CACHD1: variants seen among roughly 807,000 people sequenced by gnomAD.
CACHD1 encodes the protein VWFA and cache domain-containing protein 1.
In CACHD1, 71 loss-of-function variants were observed where a neutral mutation model predicts 138.7. The observed-to-expected ratio is 0.51, with a 90% CI of 0.42 to 0.62. The LOEUF (loss-of-function observed/expected upper bound fraction) is 0.62, where lower values mean the gene tolerates loss of function less well. Ranked by LOEUF, CACHD1 falls within the 20% of genes least tolerant of loss-of-function variation. CACHD1 has a pLI of 0.00. For synonymous variants in CACHD1, 578 were observed against 591.5 expected (o/e 0.98, Z 0.33); for missense variants, 1,389 against 1,625.3 (o/e 0.85, Z 2.50).
In CACHD1 at chr1:64,470,749, C is replaced by A. The variant is rs1216393487; in HGVS notation, c.5C>A (p.Ala2Asp). 3 of 693,382 alleles carry A rather than the reference C, an allele frequency of 4.3e-6. No homozygotes were observed. The highest frequency in any genetic ancestry group is 4.5e-6 in the Non-Finnish European group (2 of 440,374). 43.0% of individuals were successfully genotyped at this position (693,382 alleles called of 1,614,324 possible). A position where few individuals can be genotyped will look rare whatever the true frequency, so the allele number is the denominator to read the frequency against. The change falls in exon 1 of 27, where the codon GCC becomes GAC. Residue 2 changes from alanine to aspartate, a missense_variant. Physicochemically the swap from Ala to Asp is moderately radical, Grantham distance 126 (BLOSUM62 -2). Coordinates refer to ENST00000651257, the MANE Select transcript of CACHD1 (RefSeq NM_020925.4). This position sits in a 1 kb window ranked among gnomAD's most constrained non-coding sequence, Gnocchi z 5.2. Reference protein sequence around the residue: MARQPEEEETAV... With the variant: MDRQPEEEETAV... ...CGGGGAGTGGGGGGAGGCAGCATGG[C>A]CCGCCAGCCGGAGGAAGAGGAGACG...
At chr1:64,597,524 G>GTTTTTTTT (rs34162933) in intron 3 of CACHD1, among the ~76,000 whole-genome samples, 3 of 80,396 alleles carry the variant, frequency 3.7e-5, no homozygotes, top group Admixed American at 1.4e-4. Context: ...TTTTTTTGTT[G>GTTTTTTTT]TTTTTTTTTT....
At chr1:64,507,668 A>G (rs1646388083) in intron 1 of CACHD1, among the ~76,000 whole-genome samples, 1 of 152,248 alleles carries the variant, frequency 6.6e-6, no homozygotes, top group African/African-American at 2.4e-5. Flanking sequence ...CGAGCCAGGA[A>G]GAAGTAAGAA....
At chr1:64,601,443 C>T (rs11208477) in intron 3 of CACHD1, among the ~76,000 whole-genome samples, 2,129 of 152,298 alleles carry the variant, frequency 0.014, 51 homozygotes, top group African/African-American at 0.049. Flanking sequence ...AGGGCAGCCA[C>T]GTTGGTGAAG....
At chr1:64,657,279 C>CT (rs1395953220) in intron 12 of CACHD1, among the ~76,000 whole-genome samples, 1 of 152,152 alleles carries the variant, frequency 6.6e-6, no homozygotes, top group African/African-American at 2.4e-5. Flanking sequence ...AATGTAGAGA[C>CT]TATTTTTTTC....
intron 4 of CACHD1, among the ~76,000 whole-genome samples, chr1:64,620,037 C>T (rs1042084064): frequency 6.6e-6 from 1 of 152,128 alleles, no homozygotes; most frequent in Non-Finnish European, 1.5e-5. Context: ...TAAATCTCAT[C>T]TCCCTCTTTA....
intron 16 of CACHD1, 140 bp from the exon 17 acceptor site, chr1:64,671,424 A>T (rs1649812801): frequency 1.2e-6 from 1 of 859,910 alleles, no homozygotes; most frequent in African/African-American, 1.7e-5. Flanking sequence ...CACTTAGTTG[A>T]TCATTTTTGT....
At chr1:64,605,420 CTTAAA>C (rs1338411922) in intron 4 of CACHD1, among the ~76,000 whole-genome samples, 3 of 151,974 alleles carry the variant, frequency 2.0e-5, no homozygotes, top group East Asian at 1.9e-4. Flanking sequence ...TTTTCTTAAT[CTTAAA>C]TTAAGCATTT....
chr1:64,548,462 TG>T (rs1367196986), intron 1 of CACHD1, among the ~76,000 whole-genome samples: 1 of 152,214 alleles, frequency 6.6e-6, no homozygotes, highest in African/African-American at 2.4e-5. Flanking sequence ...GAATATATTC[TG>T]GGGGGCATGG....
intron 1 of CACHD1, among the ~76,000 whole-genome samples, chr1:64,544,595 T>C (rs145676430): frequency 6.6e-6 from 1 of 150,868 alleles, no homozygotes; most frequent in Non-Finnish European, 1.5e-5. Context: ...CATGCACACG[T>C]GCGCACAAAC....
At chr1:64,475,942 A>G (rs1282973242) in intron 1 of CACHD1, among the ~76,000 whole-genome samples, 1 of 152,218 alleles carries the variant, frequency 6.6e-6, no homozygotes, top group Non-Finnish European at 1.5e-5. Context: ...ACATAGAGGC[A>G]TTACACTGCA....
chr1:64,493,713 G>C (rs1646291271), intron 1 of CACHD1, among the ~76,000 whole-genome samples: 1 of 152,174 alleles, frequency 6.6e-6, no homozygotes, highest in South Asian at 2.1e-4. Flanking sequence ...ACCAAGAAGA[G>C]TGGAGGCCCC....
intron 13 of CACHD1, among the ~76,000 whole-genome samples, chr1:64,659,480 G>A (rs1299223604): frequency 1.3e-5 from 2 of 152,064 alleles, no homozygotes; most frequent in Non-Finnish European, 2.9e-5. Flanking sequence ...TCTTCAAAAG[G>A]GCTTAGGAAT....
intron 1 of CACHD1, among the ~76,000 whole-genome samples, chr1:64,489,125 TG>T (rs1646259678): frequency 6.6e-6 from 1 of 152,204 alleles, no homozygotes; most frequent in Admixed American, 6.5e-5. Context: ...TGTCCCAAGC[TG>T]TATTTCTTAT....
At chr1:64,485,302 T>C (rs1256332700) in intron 1 of CACHD1, among the ~76,000 whole-genome samples, 1 of 152,188 alleles carries the variant, frequency 6.6e-6, no homozygotes, top group Non-Finnish European at 1.5e-5. Flanking sequence ...ATGCTGCTCC[T>C]TTATAGTCAG....
At chr1:64,472,860 GC>G (rs1056061562) in intron 1 of CACHD1, among the ~76,000 whole-genome samples, 35 of 142,078 alleles carry the variant, frequency 2.5e-4, no homozygotes, top group Non-Finnish European at 5.4e-4. Context: ...CCCCTATCCC[GC>G]CCCCCCACGC....
At chr1:64,521,345 G>A (rs2100375578) in intron 1 of CACHD1, among the ~76,000 whole-genome samples, 1 of 152,244 alleles carries the variant, frequency 6.6e-6, no homozygotes, top group Middle Eastern at 3.4e-3. Context: ...ATCCCCTCTG[G>A]CCCTGGCCAA....
chr1:64,649,931 T>C (rs1174333378), intron 9 of CACHD1, among the ~76,000 whole-genome samples: 2 of 152,208 alleles, frequency 1.3e-5, no homozygotes, highest in African/African-American at 2.4e-5. Flanking sequence ...CCTAGAATTA[T>C]TGAGTGCCAC....
intron 1 of CACHD1, among the ~76,000 whole-genome samples, chr1:64,474,699 T>C (rs1380562369): frequency 2.0e-5 from 3 of 152,268 alleles, no homozygotes; most frequent in African/African-American, 7.2e-5. Context: ...TAAGTAACAA[T>C]GCCTGCTTGT....
chr1:64,510,114 G>C (rs1165361945), intron 1 of CACHD1, among the ~76,000 whole-genome samples: 1 of 152,122 alleles, frequency 6.6e-6, no homozygotes, highest in Non-Finnish European at 1.5e-5. Flanking sequence ...AGAGCCAGGA[G>C]CCTCAGGTGA....
Sources: allele counts gnomAD v4.1 joint callset (sites outside exome capture counted in the v4.1 genomes callset), GRCh38; gene constraint gnomAD v4.1.1; non-coding constraint Gnocchi (gnomAD v3.1); transcripts MANE v1.5; gene names NCBI Gene and HGNC (gene_info 2026-07-23, HGNC 2026-07-21).